Variants in CENPW observed in about 807,000 individuals in gnomAD.
The protein encoded by CENPW is cancer-up-regulated gene 2 protein.
In CENPW, 3 loss-of-function variants were observed where a neutral mutation model predicts 11.1. The ratio of observed to expected loss-of-function variants is 0.27; its 90% CI spans 0.12 to 0.70. The LOEUF is 0.70. CENPW is among the 30% of genes least tolerant of loss of function. The pLI, the probability that CENPW is intolerant of heterozygous loss-of-function variation, is 0.77. For synonymous variants in CENPW, 38 were observed against 42.0 expected (o/e 0.91, Z 0.37); for missense variants, 100 against 105.6 (o/e 0.95, Z 0.23).
the CENPW span, among the ~76,000 whole-genome samples, chr6:126,444,568 C>T: frequency 6.6e-6 from 1 of 150,780 alleles, no homozygotes; most frequent in African/African-American, 2.4e-5. Flanking sequence ...GTTTTGTTCC[C>T]TTTCTTTACA....
intron 1 of CENPW, among the ~76,000 whole-genome samples, chr6:126,341,330 A>G (rs1056022846): frequency 2.6e-5 from 4 of 152,184 alleles, no homozygotes; most frequent in African/African-American, 9.7e-5. Context: ...AAGGTACAGA[A>G]TTGTGGATAA....
chr6:126,455,807 T>C, the CENPW span, among the ~76,000 whole-genome samples: 1 of 151,460 alleles, frequency 6.6e-6, no homozygotes, highest in East Asian at 2.0e-4. Flanking sequence ...CATGAATCTA[T>C]ATCTAGAAAA....
chr6:126,399,866 C>G, the CENPW span, among the ~76,000 whole-genome samples: 1 of 151,768 alleles, frequency 6.6e-6, no homozygotes, highest in East Asian at 1.9e-4. Context: ...TTTTTATTAC[C>G]ATAGGTTAAT....
the CENPW span, among the ~76,000 whole-genome samples, chr6:126,414,613 G>A: frequency 4.7e-4 from 72 of 151,740 alleles, 1 homozygote; most frequent in South Asian, 2.7e-3. Context: ...TAAACCTATG[G>A]GATATAGCAA....
At chr6:126,430,026 G>T in the CENPW span, among the ~76,000 whole-genome samples, 30 of 152,128 alleles carry the variant, frequency 2.0e-4, no homozygotes, top group African/African-American at 6.8e-4. Flanking sequence ...TCCAAGGTTG[G>T]CTCAAATTTC....
the CENPW span, among the ~76,000 whole-genome samples, chr6:126,481,963 C>T: frequency 6.6e-6 from 1 of 151,992 alleles, no homozygotes; most frequent in Non-Finnish European, 1.5e-5. Context: ...GCTTATTGAT[C>T]ATTTGGATAT....
the CENPW span, among the ~76,000 whole-genome samples, chr6:126,358,590 G>T: frequency 2.6e-5 from 4 of 152,232 alleles, no homozygotes; most frequent in East Asian, 7.7e-4. Flanking sequence ...TTTTTGATGT[G>T]CTGCTGGATT....
the CENPW span, among the ~76,000 whole-genome samples, chr6:126,463,584 G>A: frequency 1.3e-5 from 2 of 151,560 alleles, no homozygotes; most frequent in South Asian, 4.2e-4. Context: ...GGAAAAAAAG[G>A]AGAAGACATA....
chr6:126,471,294 A>C, the CENPW span, among the ~76,000 whole-genome samples: 11 of 152,178 alleles, frequency 7.2e-5, no homozygotes, highest in Non-Finnish European at 1.5e-4. Flanking sequence ...GATTCCCTGC[A>C]TGCACTCTCT....
the CENPW span, among the ~76,000 whole-genome samples, chr6:126,443,484 T>C: frequency 6.6e-6 from 1 of 151,270 alleles, no homozygotes; most frequent in Non-Finnish European, 1.5e-5. Context: ...TGGTAATGTG[T>C]ACTTTTATCA....
chr6:126,430,344 G>A, the CENPW span, among the ~76,000 whole-genome samples: 1 of 152,254 alleles, frequency 6.6e-6, no homozygotes, highest in South Asian at 2.1e-4. Context: ...ACATAGAAAA[G>A]AATGATTTGC....
chr6:126,409,342 C>G, the CENPW span, among the ~76,000 whole-genome samples: 9 of 152,228 alleles, frequency 5.9e-5, no homozygotes, highest in Non-Finnish European at 8.8e-5. Context: ...TATGATCTAA[C>G]ATGTGATTTA....
chr6:126,351,601 G>A (rs1489188462), downstream of CENPW, among the ~76,000 whole-genome samples: 1 of 152,086 alleles, frequency 6.6e-6, no homozygotes, highest in East Asian at 1.9e-4. Context: ...AAGAGAGTCA[G>A]TGAGACCTTG....
At chr6:126,395,442 T>G in the CENPW span, among the ~76,000 whole-genome samples, 1 of 152,214 alleles carries the variant, frequency 6.6e-6, no homozygotes, top group South Asian at 2.1e-4. Flanking sequence ...ATTCCTTCTC[T>G]TTGTTATCTT....
the CENPW span, among the ~76,000 whole-genome samples, chr6:126,440,646 C>A: frequency 1.3e-5 from 2 of 151,476 alleles, no homozygotes; most frequent in Non-Finnish European, 3.0e-5. Flanking sequence ...GAACATGTAT[C>A]TGCAAAATCA....
intron 1 of CENPW, among the ~76,000 whole-genome samples, chr6:126,343,994 T>C (rs1428723485): frequency 6.6e-6 from 1 of 152,198 alleles, no homozygotes; most frequent in African/African-American, 2.4e-5. Context: ...GAATTAAGTC[T>C]TAAGACAGTG....
chr6:126,429,796 G>C, the CENPW span, among the ~76,000 whole-genome samples: 123 of 152,256 alleles, frequency 8.1e-4, no homozygotes, highest in African/African-American at 2.8e-3. Flanking sequence ...TTATGTTTCA[G>C]ACAATTTCTA....
At chr6:126,343,487 A>G (rs1780351757) in intron 1 of CENPW, among the ~76,000 whole-genome samples, 1 of 152,214 alleles carries the variant, frequency 6.6e-6, no homozygotes, top group South Asian at 2.1e-4. Context: ...CACAAGGTGA[A>G]GTCCCACAAT....
the CENPW span, among the ~76,000 whole-genome samples, chr6:126,466,228 A>G: frequency 7.2e-5 from 11 of 152,306 alleles, no homozygotes; most frequent in Admixed American, 2.6e-4. Context: ...ATGCGGTAAA[A>G]CAATCTAAAT....
Sources: allele counts gnomAD v4.1 joint callset (sites outside exome capture counted in the v4.1 genomes callset), GRCh38; gene constraint gnomAD v4.1.1; transcripts MANE v1.5; gene names NCBI Gene and HGNC (gene_info 2026-07-23, HGNC 2026-07-21).